The following STPG2 variants were observed in gnomAD, a reference collection of about 807,000 sequenced individuals.
The protein encoded by STPG2 is sperm-tail PG-rich repeat-containing protein 2.
A neutral mutation model predicts 54.2 loss-of-function variants in STPG2; 56 were observed. The ratio of observed to expected loss-of-function variants is 1.03; its 90% CI spans 0.83 to 1.29. The LOEUF is 1.29. STPG2 is among the 50% of genes most tolerant of loss of function. The pLI is 0.00. For missense variants in STPG2, 596 were observed against 544.9 expected (o/e 1.09, Z -0.93); for synonymous variants, 200 against 181.8 (o/e 1.10, Z -0.81).
chr4:97,965,889 A>G, intron 7 of STPG2, among the ~76,000 whole-genome samples: 1 of 152,242 alleles, frequency 6.6e-6, no homozygotes, highest in South Asian at 2.1e-4. Flanking sequence ...CCAAAGGTAG[A>G]TAAAACCACA....
chr4:98,086,913 T>A (rs919485200), intron 5 of STPG2, among the ~76,000 whole-genome samples: 6 of 152,208 alleles, frequency 3.9e-5, no homozygotes, highest in Non-Finnish European at 7.3e-5. Context: ...TATAACATAC[T>A]ATTTTGTTTA....
downstream of STPG2, among the ~76,000 whole-genome samples, chr4:97,557,970 C>A (rs1445711229): frequency 6.6e-6 from 1 of 152,126 alleles, no homozygotes; most frequent in Non-Finnish European, 1.5e-5. Context: ...CAGATTAAAG[C>A]AGAACACAGA....
chr4:97,506,426 A>G (rs976413058), intron 4 of STPG2, among the ~76,000 whole-genome samples: 5 of 152,176 alleles, frequency 3.3e-5, no homozygotes, highest in African/African-American at 1.2e-4. Context: ...AAACGATGGC[A>G]GAATAAAGGC....
intron 3 of STPG2, among the ~76,000 whole-genome samples, chr4:98,112,330 T>C (rs753470263): frequency 4.6e-5 from 7 of 152,138 alleles, no homozygotes; most frequent in Non-Finnish European, 7.4e-5. Context: ...TACAATAACA[T>C]GCTATTCAGG....
intron 8 of STPG2, among the ~76,000 whole-genome samples, chr4:97,911,365 T>G (rs1731671564): frequency 6.6e-6 from 1 of 152,188 alleles, no homozygotes. Context: ...CCAGAGCTCC[T>G]CACAAGTTAA....
chr4:97,619,536 T>TA, intron 10 of STPG2, among the ~76,000 whole-genome samples: 1 of 151,544 alleles, frequency 6.6e-6, no homozygotes, highest in East Asian at 1.9e-4. Flanking sequence ...TTTTTTTTTT[T>TA]TTCTCACCTC....
intron 5 of STPG2, among the ~76,000 whole-genome samples, chr4:98,042,167 T>A (rs1054142359): frequency 2.0e-5 from 3 of 151,934 alleles, no homozygotes; most frequent in Non-Finnish European, 4.4e-5. Flanking sequence ...TTTTATGAGA[T>A]CATTCATAAG....
chr4:97,532,847 A>G (rs1731443913), intron 4 of STPG2, among the ~76,000 whole-genome samples: 1 of 152,120 alleles, frequency 6.6e-6, no homozygotes, highest in South Asian at 2.1e-4. Context: ...ACAGTTCAAC[A>G]ATGGTTGAGA....
chr4:97,505,384 GA>G (rs1187195149), intron 4 of STPG2, among the ~76,000 whole-genome samples: 2 of 151,898 alleles, frequency 1.3e-5, no homozygotes, highest in African/African-American at 4.8e-5. Flanking sequence ...CCCAGAATAT[GA>G]AAATAGAAGT....
rs183224092 is a variant in STPG2 at position 97,891,448 on chromosome 4, C to T, written c.1045-50516G>A. The stretch of plus-strand genomic sequence containing the variant: ...CACTTTTCATATATTCTCCTGAGTG[C>T]ATGTTTAAGAAATAAAGCTTTATTT... On this transcript the variant is annotated intron_variant, in intron 8 of 10. Transcript: ENST00000295268. 1.5e-3 allele frequency among the ~76,000 whole-genome samples: 233 copies of T among 151,546 alleles called. 2 individuals carry two copies. Among genetic ancestry groups the T allele is most frequent in the Admixed American group, 0.015 (223 of 15,222 alleles).
intron 3 of STPG2, among the ~76,000 whole-genome samples, chr4:98,113,264 A>G (rs981070963): frequency 1.5e-4 from 23 of 152,054 alleles, no homozygotes; most frequent in African/African-American, 5.3e-4. Context: ...TACTCAATGG[A>G]AAGAGACTTA....
intron 4 of STPG2, among the ~76,000 whole-genome samples, chr4:97,504,847 C>G (rs1403234858): frequency 6.6e-6 from 1 of 151,974 alleles, no homozygotes; most frequent in Non-Finnish European, 1.5e-5. Context: ...GTCCCAGGGA[C>G]TATTCAATGG....
intron 10 of STPG2, among the ~76,000 whole-genome samples, chr4:97,610,210 G>A (rs1252499084): frequency 6.6e-6 from 1 of 152,044 alleles, no homozygotes; most frequent in African/African-American, 2.4e-5. Context: ...ATTTCAAAGG[G>A]AGTGTCTGAT....
chr4:97,492,081 A>G (rs1730514746), intron 4 of STPG2, among the ~76,000 whole-genome samples: 1 of 151,504 alleles, frequency 6.6e-6, no homozygotes, highest in Non-Finnish European at 1.5e-5. Context: ...TAAAGCACTC[A>G]GTGCACACCT....
chr4:97,781,253 C>T (rs1245119913), intron 9 of STPG2, among the ~76,000 whole-genome samples: 4 of 152,102 alleles, frequency 2.6e-5, no homozygotes, highest in African/African-American at 9.7e-5. Context: ...GGAGATATCA[C>T]CACTGATCCC....
downstream of STPG2, among the ~76,000 whole-genome samples, chr4:97,556,857 C>G (rs183916521): frequency 8.5e-4 from 129 of 152,068 alleles, 1 homozygote; most frequent in Middle Eastern, 0.01. Flanking sequence ...GAGAAAAGAC[C>G]TATATACCAA....
chr4:97,792,462 T>A (rs967292490), intron 9 of STPG2, among the ~76,000 whole-genome samples: 4 of 152,190 alleles, frequency 2.6e-5, no homozygotes, highest in Non-Finnish European at 5.9e-5. Flanking sequence ...CCACCCTCAC[T>A]GCCAGCACTC....
Position 98,106,067 on chromosome 4 carries a change from TC to T in STPG2, c.501-4del. The T allele has an allele frequency of 7.2e-7, 1 of 1,389,730 alleles. No homozygotes were observed. Among genetic ancestry groups the T allele is most frequent in the Non-Finnish European group, 9.8e-7 (1 of 1,023,512 alleles). 86.1% of individuals were successfully genotyped at this position (1,389,730 alleles called of 1,614,324 possible). A position where few individuals can be genotyped will look rare whatever the true frequency, so the allele number is the denominator to read the frequency against. Reference sequence around the variant, plus strand: ...TTTCATAATATGATGTCTTTTTCCTTCAGAAAATTCAAATAGAAATTAAGAA... The same window carrying T: ...TTTCATAATATGATGTCTTTTTCCTTAGAAAATTCAAATAGAAATTAAGAA... On this transcript the variant is annotated splice_polypyrimidine_tract_variant and splice_region_variant and intron_variant, in intron 4 of 10. Transcript: ENST00000295268.
chr4:97,871,691 A>T (rs1246722444), intron 8 of STPG2, among the ~76,000 whole-genome samples: 1 of 151,178 alleles, frequency 6.6e-6, no homozygotes, highest in Non-Finnish European at 1.5e-5. Flanking sequence ...TTCACTGGGG[A>T]ATTCTAACTA....
Sources: allele counts gnomAD v4.1 joint callset (sites outside exome capture counted in the v4.1 genomes callset), GRCh38; gene constraint gnomAD v4.1.1; transcripts MANE v1.5; gene names NCBI Gene and HGNC (gene_info 2026-07-23, HGNC 2026-07-21).